The following VPS13B variants were observed in gnomAD, a reference collection of about 807,000 sequenced individuals.
VPS13B encodes the protein intermembrane lipid transfer protein VPS13B.
Under a neutral mutation model 426.4 loss-of-function variants are expected in VPS13B, and 285 were observed. That is an observed-to-expected ratio of 0.67 (90% CI 0.61 to 0.74). The LOEUF is 0.74. Among genes scored for constraint, VPS13B ranks in the 30% least tolerant of loss-of-function variants. VPS13B has a pLI of 0.00. For synonymous variants in VPS13B, 1,676 were observed against 1,676.4 expected (o/e 1.00, Z 0.01); for missense variants, 4,537 against 4,782.6 (o/e 0.95, Z 1.51).
At chr8:99,688,736 T>C (rs1831522703) in intron 35 of VPS13B, among the ~76,000 whole-genome samples, 1 of 152,068 alleles carries the variant, frequency 6.6e-6, no homozygotes, top group Non-Finnish European at 1.5e-5. Flanking sequence ...ATCACTGACA[T>C]GTGGCAGATT....
intron 3 of VPS13B, among the ~76,000 whole-genome samples, chr8:99,066,952 C>G (rs1844553049): frequency 6.6e-6 from 1 of 152,208 alleles, no homozygotes; most frequent in Non-Finnish European, 1.5e-5. Flanking sequence ...GATACCATCT[C>G]ACACCAGTTA....
At chr8:99,101,147 T>G (rs1306344744) in intron 4 of VPS13B, among the ~76,000 whole-genome samples, 1 of 152,202 alleles carries the variant, frequency 6.6e-6, no homozygotes, top group Non-Finnish European at 1.5e-5. Flanking sequence ...TTTATTTATT[T>G]TTTAGATGGA....
At chr8:99,640,025 T>TAATAATAAG (rs1374252143) in intron 33 of VPS13B, among the ~76,000 whole-genome samples, 4 of 104,332 alleles carry the variant, frequency 3.8e-5, no homozygotes, top group African/African-American at 1.5e-4. Flanking sequence ...ATAATAATAA[T>TAATAATAAG]AAGAAGAAGA....
intron 3 of VPS13B, among the ~76,000 whole-genome samples, chr8:99,071,980 C>G (rs1185016162): frequency 6.6e-6 from 1 of 152,124 alleles, no homozygotes; most frequent in Non-Finnish European, 1.5e-5. Context: ...AGTGGGCTCC[C>G]CTCTGGCCCA....
intron 14 of VPS13B, among the ~76,000 whole-genome samples, chr8:99,154,169 T>C (rs890751896): frequency 5.9e-5 from 9 of 151,772 alleles, no homozygotes; most frequent in African/African-American, 1.9e-4. Context: ...GTTTTTTTTT[T>C]TGGCATTTAT....
chr8:99,061,109 C>G (rs1472426063), intron 3 of VPS13B, among the ~76,000 whole-genome samples: 1 of 151,948 alleles, frequency 6.6e-6, no homozygotes, highest in Admixed American at 6.6e-5. Context: ...TTTCTTTTTC[C>G]CTTCAGTTTT....
In VPS13B at chr8:99,170,101, A is replaced by C; in HGVS notation, c.2271A>C (p.Val757=). Residue 757 remains valine (V), a synonymous_variant, in exon 16 of 62, where the codon GTA becomes GTC. Transcript: ENST00000357162. The part of the protein sequence containing the change: ...LDCSGSYCLP[V]PVIPSFSTAL... Reference sequence around the variant, plus strand: ...GCAGTGGATCTTACTGCTTACCTGTACCAGTTATTCCCTCTTTCAGCACTG... The same window carrying C: ...GCAGTGGATCTTACTGCTTACCTGTCCCAGTTATTCCCTCTTTCAGCACTG... 1 of 1,613,022 alleles carries C rather than the reference A, an allele frequency of 6.2e-7. No individual in the cohort carries two copies. Among genetic ancestry groups the C allele is most frequent in the Non-Finnish European group, 8.5e-7 (1 of 1,179,138 alleles).
chr8:99,378,144 C>G (rs998375881), intron 19 of VPS13B, among the ~76,000 whole-genome samples: 1 of 141,642 alleles, frequency 7.1e-6, no homozygotes, highest in African/African-American at 2.6e-5. Context: ...GCCCCCCCCC[C>G]CCGGAATGCA....
chr8:99,289,561 G>A (rs1476688762), intron 19 of VPS13B, among the ~76,000 whole-genome samples: 1 of 152,060 alleles, frequency 6.6e-6, no homozygotes, highest in African/African-American at 2.4e-5. Context: ...GAAATGTCAA[G>A]AATCTAAAGA....
intron 17 of VPS13B, among the ~76,000 whole-genome samples, chr8:99,254,629 T>C (rs1488723928): frequency 4.0e-5 from 6 of 151,342 alleles, no homozygotes; most frequent in Admixed American, 3.9e-4. Flanking sequence ...AACTTTATTT[T>C]ATTTTATTAT....
rs1367345371 is a variant in VPS13B at position 99,699,693 on chromosome 8, T to C, written c.6215T>C (p.Val2072Ala). Residue 2072 changes from valine to alanine, a missense_variant, in exon 36 of 62, where the codon GTC (valine) becomes GCC (alanine). By Grantham distance (64) the Val-to-Ala change is moderately conservative. Around this residue, in one of 2 missense-constraint regions of VPS13B, gnomAD observed 4,311 missense variants for 4,474.3 expected, o/e 0.96. Transcript: ENST00000357162. The stretch of plus-strand genomic sequence containing the variant: ...ATGGTGAATAAGGATGATCTTCCAG[T>C]CTCCAAATATTACCGTGGAAAGTTG... Reference protein sequence around the residue: ...NTMVNKDDLPVSKYYRGKLSK... With the variant: ...NTMVNKDDLPASKYYRGKLSK... 6 of 1,614,026 alleles carry C rather than the reference T, an allele frequency of 3.7e-6. No homozygotes were observed. The highest frequency in any genetic ancestry group is 5.1e-6 in the Non-Finnish European group (6 of 1,180,042).
chr8:99,365,713 C>T (rs534376656), intron 19 of VPS13B, among the ~76,000 whole-genome samples: 25 of 151,752 alleles, frequency 1.6e-4, no homozygotes, highest in Middle Eastern at 3.2e-3. Flanking sequence ...GATGGGGTTT[C>T]ACCATATTGG....
At chr8:99,391,829 T>C (rs1814464140) in intron 21 of VPS13B, 125 bp downstream of exon 21, 3 of 1,265,382 alleles carry the variant, frequency 2.4e-6, no homozygotes, top group Admixed American at 4.0e-5. Flanking sequence ...CAAAGAACTT[T>C]ATTATCCACA....
intron 35 of VPS13B, among the ~76,000 whole-genome samples, chr8:99,680,376 C>T (rs1253230747): frequency 6.6e-6 from 1 of 152,160 alleles, no homozygotes; most frequent in East Asian, 1.9e-4. Flanking sequence ...TGAATTCCCT[C>T]TCTGATTTCA....
At chr8:99,515,049 C>A (rs2133647797) in intron 29 of VPS13B, among the ~76,000 whole-genome samples, 1 of 152,294 alleles carries the variant, frequency 6.6e-6, no homozygotes, top group African/African-American at 2.4e-5. Flanking sequence ...CATTGTTTAA[C>A]TCTAGCTTTA....
chr8:99,080,513 C>T (rs185949055), intron 3 of VPS13B, among the ~76,000 whole-genome samples: 18 of 152,180 alleles, frequency 1.2e-4, no homozygotes, highest in Non-Finnish European at 2.5e-4. Flanking sequence ...ATTTATAATG[C>T]TACCTGTGTC....
intron 39 of VPS13B, among the ~76,000 whole-genome samples, chr8:99,731,094 G>T (rs1308515763): frequency 6.6e-6 from 1 of 152,162 alleles, no homozygotes; most frequent in African/African-American, 2.4e-5. Flanking sequence ...ATATTTCTGG[G>T]AAGTGGCAAA....
intron 33 of VPS13B, among the ~76,000 whole-genome samples, chr8:99,622,123 T>C (rs899347035): frequency 2.0e-5 from 3 of 152,184 alleles, no homozygotes; most frequent in Non-Finnish European, 2.9e-5. Context: ...TAAAAAGTCT[T>C]GTGCAAATTT....
intron 21 of VPS13B, among the ~76,000 whole-genome samples, chr8:99,393,476 A>G (rs543501152): frequency 3.9e-5 from 6 of 152,242 alleles, no homozygotes; most frequent in African/African-American, 1.4e-4. Flanking sequence ...AATCTGAACT[A>G]TGGTTCTTTT....
Sources: allele counts gnomAD v4.1 joint callset (sites outside exome capture counted in the v4.1 genomes callset), GRCh38; gene constraint gnomAD v4.1.1; regional missense constraint gnomAD v4.1.1; transcripts MANE v1.5; gene names NCBI Gene and HGNC (gene_info 2026-07-23, HGNC 2026-07-21).